PTPRD: variants seen among roughly 807,000 people sequenced by gnomAD.
PTPRD encodes the protein receptor-type tyrosine-protein phosphatase delta.
In PTPRD, 34 loss-of-function variants were observed where a neutral mutation model predicts 214.5. The observed-to-expected ratio is 0.16, with a 90% CI of 0.12 to 0.21. The LOEUF is 0.21. Ranked by LOEUF, PTPRD falls within the 10% of genes least tolerant of loss-of-function variation. The pLI, the probability that PTPRD is intolerant of heterozygous loss-of-function variation, is 1.00. For missense variants in PTPRD, 2,545 were observed against 2,398.7 expected, an observed-to-expected ratio of 1.06 and a Z score of -1.27; for synonymous variants, 1,128 against 845.7, an observed-to-expected ratio of 1.33 and a Z score of -5.79.
At chr9:9,669,786 T>A (rs1040095527) in intron 7 of PTPRD, among the ~76,000 whole-genome samples, 14 of 152,170 alleles carry the variant, frequency 9.2e-5, no homozygotes, top group African/African-American at 3.1e-4. Flanking sequence ...TAAACCTTTA[T>A]GAGAATATTG....
chr9:9,520,578 A>G lies in PTPRD; in HGVS notation c.-237+54154T>C, dbSNP rs532506139. 2.0e-5 allele frequency among the ~76,000 whole-genome samples: 3 copies of G among 152,274 alleles called. No homozygotes were observed. The South Asian group carries it at 6.2e-4, about 32-fold the overall frequency. ...TTTATGCTCGTTTGCTTGCTTCACA[A>G]TAACTTTCAAAGGCGCAGACTAATT... On this transcript the variant is annotated intron_variant, in intron 8 of 45. Coordinates refer to ENST00000381196, the MANE Select transcript of PTPRD (RefSeq NM_002839.4).
intron 2 of PTPRD, among the ~76,000 whole-genome samples, chr9:10,384,331 A>T (rs1291112319): frequency 6.6e-6 from 1 of 151,782 alleles, no homozygotes; most frequent in Non-Finnish European, 1.5e-5. Flanking sequence ...AATTAAAATA[A>T]AAATATTTTA....
Position 8,859,703 on chromosome 9 carries a change from G to A in PTPRD, c.-103-125757C>T, listed in dbSNP as rs573907322. On this transcript the variant is annotated intron_variant, in intron 11 of 45. Coordinates refer to ENST00000381196, the MANE Select transcript of PTPRD (RefSeq NM_002839.4). ...GCATGCTGTGCTCCTGAAAGCCACCGAAGGATTGGTCAGTAATCCTCTGCC... is the reference window on the plus strand; with the variant it reads ...GCATGCTGTGCTCCTGAAAGCCACCAAAGGATTGGTCAGTAATCCTCTGCC... 4.0e-5 allele frequency among the ~76,000 whole-genome samples: 6 copies of A among 151,718 alleles called. No individual in the cohort carries two copies. The East Asian group carries it at 7.8e-4, about 20-fold the overall frequency.
At chr9:9,394,522 G>A (rs1028102705) in intron 9 of PTPRD, among the ~76,000 whole-genome samples, 5 of 152,016 alleles carry the variant, frequency 3.3e-5, no homozygotes, top group Non-Finnish European at 5.9e-5. Context: ...GTAAATTTTA[G>A]CAATTTAATA....
At chr9:9,812,351 G>A (rs1486324997) in intron 5 of PTPRD, among the ~76,000 whole-genome samples, 2 of 151,480 alleles carry the variant, frequency 1.3e-5, no homozygotes, top group Non-Finnish European at 2.9e-5. Context: ...GTAAACAGAT[G>A]AAATTATCCA....
At chr9:9,177,130 A>G (rs1459779132) in intron 10 of PTPRD, among the ~76,000 whole-genome samples, 1 of 152,120 alleles carries the variant, frequency 6.6e-6, no homozygotes, top group East Asian at 1.9e-4. Flanking sequence ...GAAACTTACA[A>G]TCATGGTGGA....
At position 10,360,232 on chromosome 9, in the gene PTPRD, T is replaced by G. The variant is rs1204129057; in HGVS notation, c.-599-19215A>C. Among the ~76,000 whole-genome samples, 7 of 152,244 alleles carry G rather than the reference T, an allele frequency of 4.6e-5. No homozygotes were observed. The East Asian group carries it at 9.6e-4, about 21-fold the overall frequency. Reference sequence around the variant, plus strand: ...TATCAGGCCAGTCACTCAGAGCAAGTTGGATTATCAATCCTGGCTTCAGTT... The same window carrying G: ...TATCAGGCCAGTCACTCAGAGCAAGGTGGATTATCAATCCTGGCTTCAGTT... On this transcript the variant is annotated intron_variant, in intron 2 of 45. Transcript: ENST00000381196.
intron 5 of PTPRD, among the ~76,000 whole-genome samples, chr9:9,788,644 T>C (rs1405717949): frequency 6.6e-6 from 1 of 151,098 alleles, no homozygotes; most frequent in Non-Finnish European, 1.5e-5. Context: ...AGACACAGTA[T>C]ATAATATTAA....
chr9:9,177,515 T>G (rs778767956), intron 10 of PTPRD, among the ~76,000 whole-genome samples: 1 of 152,024 alleles, frequency 6.6e-6, no homozygotes, highest in East Asian at 1.9e-4. Flanking sequence ...AGAAAATATA[T>G]TAGAGCATAA....
At chr9:10,466,261 T>G (rs959275091) in intron 2 of PTPRD, among the ~76,000 whole-genome samples, 7 of 152,080 alleles carry the variant, frequency 4.6e-5, no homozygotes, top group Non-Finnish European at 8.8e-5. Flanking sequence ...AGCGAAATAA[T>G]GGAGTCAGTA....
At chr9:9,093,812 A>G (rs2154433641) in intron 10 of PTPRD, among the ~76,000 whole-genome samples, 1 of 151,914 alleles carries the variant, frequency 6.6e-6, no homozygotes, top group African/African-American at 2.4e-5. Flanking sequence ...CAGAAGGAAG[A>G]AAATAAAGAG....
chr9:10,260,527 T>C (rs536715242), intron 3 of PTPRD, among the ~76,000 whole-genome samples: 1 of 152,170 alleles, frequency 6.6e-6, no homozygotes, highest in Non-Finnish European at 1.5e-5. Flanking sequence ...CATTTCTGAA[T>C]AGAAAACTTG....
rs10977849 is a variant in PTPRD at position 9,575,020 on chromosome 9, C to T, written c.-286-239G>A. ...AATGCAGTGATGACAAACAAGCAGGCAATTATTGTCCACTTGCTTCTTGTA... is the reference window on the plus strand; with the variant it reads ...AATGCAGTGATGACAAACAAGCAGGTAATTATTGTCCACTTGCTTCTTGTA... On this transcript the variant is annotated intron_variant, in intron 7 of 45. Transcript: ENST00000381196. Among the ~76,000 whole-genome samples, 172 of 152,104 alleles carry T rather than the reference C, an allele frequency of 1.1e-3. 1 individual carries two copies. Among genetic ancestry groups the T allele is most frequent in the East Asian group, 9.1e-3 (47 of 5,158 alleles).
chr9:9,299,945 C>T (rs998077735), intron 9 of PTPRD, among the ~76,000 whole-genome samples: 3 of 149,788 alleles, frequency 2.0e-5, no homozygotes, highest in African/African-American at 7.4e-5. Flanking sequence ...CCTAAATATT[C>T]CTCCACAGTA....
At chr9:9,299,146 T>A (rs368468931) in intron 9 of PTPRD, among the ~76,000 whole-genome samples, 1 of 151,676 alleles carries the variant, frequency 6.6e-6, no homozygotes. Flanking sequence ...GAACGGTAAA[T>A]CCAATAGAAT....
At chr9:8,507,935 A>G (rs2097575220) in intron 21 of PTPRD, among the ~76,000 whole-genome samples, 2 of 152,194 alleles carry the variant, frequency 1.3e-5, no homozygotes, top group African/African-American at 2.4e-5. Context: ...ACAGGCAAAC[A>G]GAATCACTCA....
intron 10 of PTPRD, among the ~76,000 whole-genome samples, chr9:9,110,015 C>T (rs1445563854): frequency 1.3e-5 from 2 of 151,940 alleles, no homozygotes; most frequent in Non-Finnish European, 2.9e-5. Flanking sequence ...CCAGGAGCTC[C>T]AAAGAGACAC....
At chr9:9,883,662 G>C (rs1312276908) in intron 5 of PTPRD, among the ~76,000 whole-genome samples, 3 of 152,010 alleles carry the variant, frequency 2.0e-5, no homozygotes, top group African/African-American at 7.2e-5. Flanking sequence ...AAATATTTTG[G>C]TGACATACAA....
At chr9:10,064,240 T>C (rs1001741436) in intron 3 of PTPRD, among the ~76,000 whole-genome samples, 2 of 152,004 alleles carry the variant, frequency 1.3e-5, no homozygotes, top group Non-Finnish European at 2.9e-5. Flanking sequence ...TATGGTGAAT[T>C]GTTTTGAGGG....
Sources: gnomAD v4.1 joint callset for allele counts (sites outside exome capture counted in the v4.1 genomes callset) on GRCh38, gnomAD v4.1.1 for gene constraint, MANE v1.5 for transcripts, NCBI Gene and HGNC (gene_info 2026-07-23, HGNC 2026-07-21) for gene names.